PACRG: variants seen among roughly 807,000 people sequenced by gnomAD.
PACRG encodes the protein parkin coregulated gene protein.
A neutral mutation model predicts 29.7 loss-of-function variants in PACRG; 29 were observed. That is an observed-to-expected ratio of 0.98 (90% CI 0.73 to 1.33). The LOEUF is 1.33. Ranked by LOEUF, PACRG falls within the 40% of genes most tolerant of loss-of-function variation. PACRG has a pLI of 0.00. For missense variants in PACRG, 279 were observed against 316.2 expected, an observed-to-expected ratio of 0.88 and a Z score of 0.89; for synonymous variants, 116 against 118.7, an observed-to-expected ratio of 0.98 and a Z score of 0.15.
At chr6:162,857,762 T>C (rs1165009514) in intron 2 of PACRG, among the ~76,000 whole-genome samples, 1 of 132,020 alleles carries the variant, frequency 7.6e-6, no homozygotes, top group African/African-American at 3.3e-5. Context: ...ATGATCCATT[T>C]GCTCTGTTTT....
At chr6:162,820,059 G>A (rs1787708505) in intron 2 of PACRG, among the ~76,000 whole-genome samples, 1 of 152,154 alleles carries the variant, frequency 6.6e-6, no homozygotes, top group South Asian at 2.1e-4. Context: ...ATACACGAAT[G>A]CTTTCCAATG....
intron 2 of PACRG, among the ~76,000 whole-genome samples, chr6:162,937,897 A>ATT (rs59171580): frequency 5.4e-5 from 8 of 149,318 alleles, no homozygotes; most frequent in East Asian, 3.9e-4. Context: ...TCATTTTTTA[A>ATT]TTTTTTTTTT....
chr6:162,785,370 TA>T (rs1036676339), intron 1 of PACRG, among the ~76,000 whole-genome samples: 5 of 152,150 alleles, frequency 3.3e-5, no homozygotes, highest in African/African-American at 7.2e-5. Context: ...GAGTTAAGAC[TA>T]AAAAAGCCTT....
intron 2 of PACRG, among the ~76,000 whole-genome samples, chr6:162,905,979 A>G (rs1795904208): frequency 1.3e-5 from 2 of 152,176 alleles, no homozygotes; most frequent in Admixed American, 6.5e-5. Context: ...CCATTTTGCA[A>G]TTCCTGGTTT....
intron 4 of PACRG, among the ~76,000 whole-genome samples, chr6:163,157,319 C>T (rs565324569): frequency 2.0e-5 from 3 of 152,306 alleles, no homozygotes; most frequent in East Asian, 1.9e-4. Flanking sequence ...CTTCCCTCAG[C>T]TCTCGTGATC....
chr6:162,727,890 C>A (rs1326734336), upstream of PACRG: 6 of 594,782 alleles, frequency 1.0e-5, no homozygotes, highest in African/African-American at 1.9e-5. Context: ...CCCCCAGCCC[C>A]CCACCGCCGC....
chr6:163,010,880 G>A (rs1805547191), intron 2 of PACRG, among the ~76,000 whole-genome samples: 1 of 152,170 alleles, frequency 6.6e-6, no homozygotes, highest in Non-Finnish European at 1.5e-5. Context: ...ACTGAGCGCG[G>A]GCCCCTCCAG....
At chr6:162,791,110 T>A (rs1004571762) in intron 1 of PACRG, among the ~76,000 whole-genome samples, 1 of 152,324 alleles carries the variant, frequency 6.6e-6, no homozygotes, top group East Asian at 1.9e-4. Context: ...TTTATGTATG[T>A]GATGCTTATA....
intron 4 of PACRG, among the ~76,000 whole-genome samples, chr6:163,141,339 G>A (rs1472004402): frequency 6.6e-6 from 1 of 151,696 alleles, no homozygotes; most frequent in Non-Finnish European, 1.5e-5. Flanking sequence ...TTAGTAAGAA[G>A]AACAAACCCA....
chr6:162,729,709 T>C (rs1001097885), intron 1 of PACRG, among the ~76,000 whole-genome samples: 5 of 151,978 alleles, frequency 3.3e-5, no homozygotes, highest in Non-Finnish European at 2.9e-5. Flanking sequence ...TGTTATACTT[T>C]AATTTTTTTT....
chr6:162,791,308 T>TG (rs1167293495), intron 1 of PACRG, among the ~76,000 whole-genome samples: 1 of 66,160 alleles, frequency 1.5e-5, no homozygotes, highest in Non-Finnish European at 2.9e-5. Flanking sequence ...AGTTTGTTTG[T>TG]TTGTTTTTTT....
chr6:163,194,195 C>T (rs958085796), intron 4 of PACRG, among the ~76,000 whole-genome samples: 1 of 152,170 alleles, frequency 6.6e-6, no homozygotes, highest in African/African-American at 2.4e-5. Context: ...GGAGGTTCTG[C>T]GCCCGATTAC....
chr6:163,095,552 G>A (rs1296745991), intron 4 of PACRG: 3 of 628,710 alleles, frequency 4.8e-6, no homozygotes, highest in Non-Finnish European at 5.9e-6. Context: ...TGTGGACAGG[G>A]CCAGCTCTCA....
intron 2 of PACRG, among the ~76,000 whole-genome samples, chr6:162,950,760 T>G (rs1470049471): frequency 6.6e-6 from 1 of 152,186 alleles, no homozygotes; most frequent in African/African-American, 2.4e-5. Flanking sequence ...ATTTTAAACT[T>G]GTAAAATGTA....
At chr6:162,751,373 TC>T (rs766479853) in intron 1 of PACRG, among the ~76,000 whole-genome samples, 8 of 152,158 alleles carry the variant, frequency 5.3e-5, no homozygotes, top group Non-Finnish European at 1.2e-4. Flanking sequence ...TTATTCATGT[TC>T]CCATTAGTCA....
At chr6:163,192,696 G>A (rs140027178) in intron 4 of PACRG, among the ~76,000 whole-genome samples, 1 of 152,252 alleles carries the variant, frequency 6.6e-6, no homozygotes, top group East Asian at 1.9e-4. Flanking sequence ...CTCTGACATG[G>A]ATGGCTTATG....
chr6:162,774,805 G>A (rs1165195777), intron 1 of PACRG, among the ~76,000 whole-genome samples: 2 of 152,036 alleles, frequency 1.3e-5, no homozygotes, highest in Non-Finnish European at 1.5e-5. Flanking sequence ...CTGCTTTGTT[G>A]TATTCTTTTA....
chr6:163,197,001 A>G (rs1303050431), intron 4 of PACRG, among the ~76,000 whole-genome samples: 3 of 152,192 alleles, frequency 2.0e-5, no homozygotes, highest in Non-Finnish European at 2.9e-5. Flanking sequence ...AAATGGGCAA[A>G]TGATAGAAAA....
chr6:162,811,755 A>T (rs901272444), intron 1 of PACRG, among the ~76,000 whole-genome samples: 5 of 152,164 alleles, frequency 3.3e-5, no homozygotes, highest in Admixed American at 6.5e-5. Flanking sequence ...ATGCCATGGA[A>T]TACCATTCAC....
Sources: allele counts gnomAD v4.1 joint callset (sites outside exome capture counted in the v4.1 genomes callset), GRCh38; gene constraint gnomAD v4.1.1; transcripts MANE v1.5; gene names NCBI Gene and HGNC (gene_info 2026-07-23, HGNC 2026-07-21).